FAH: variants seen among roughly 807,000 people sequenced by gnomAD.
FAH encodes the protein fumarylacetoacetate hydrolase.
FAH carries 47 observed loss-of-function variants against 55.8 expected under a neutral mutation model. That is an observed-to-expected ratio of 0.84 (90% CI 0.67 to 1.07). FAH has a LOEUF of 1.07. Among genes scored for constraint, FAH ranks in the 50% least tolerant of loss-of-function variants. The pLI is 0.00. For synonymous variants in FAH, 199 were observed against 207.7 expected (o/e 0.96, Z 0.36); for missense variants, 495 against 545.9 (o/e 0.91, Z 0.93).
At chr15:80,159,953 T>C in intron 3 of FAH, 76 bp downstream of exon 3, 4 of 1,556,922 alleles carry the variant, frequency 2.6e-6, no homozygotes, top group South Asian at 1.2e-5. Context: ...ATCAGTGCCA[T>C]TCTGAGTCAC....
At chr15:80,172,050 T>C in intron 7 of FAH, 99 bp from the exon 8 acceptor site, 1 of 873,598 alleles carries the variant, frequency 1.1e-6, no homozygotes, top group South Asian at 1.3e-5. Flanking sequence ...TCCTGGTCCA[T>C]GGCTGGAGTT....
Position 80,186,130 on chromosome 15 carries a change from GGT to G in FAH, c.1182_1183del (p.Tyr395LeufsTer44). ...TGATCCTTGTCCTCCTCTGTTCCAG[GGT>G]ACTGCCAGGGGGATGGTTACCGCAT... is the stretch of plus-strand genomic sequence containing the variant. On this transcript the variant is annotated frameshift_variant and splice_region_variant, in exon 14 of 14. Transcript: ENST00000561421. LOFTEE classifies it high-confidence loss of function. 6.2e-7 allele frequency: 1 copy of G among 1,614,038 alleles called. No individual in the cohort carries two copies. The highest frequency in any genetic ancestry group is 1.1e-5 in the South Asian group (1 of 91,090).
intron 4 of FAH, 78 bp downstream of exon 4, chr15:80,160,537 G>A (rs780178541): frequency 4.2e-6 from 6 of 1,421,046 alleles, no homozygotes; most frequent in Non-Finnish European, 6.0e-6. Flanking sequence ...CTTTGGTTCT[G>A]CATCTGTGTG....
Position 80,160,422 on chromosome 15 carries a change from C to A in FAH, c.327C>A (p.Ser109=). 1 of 1,614,214 alleles carries A rather than the reference C, an allele frequency of 6.2e-7. No individual in the cohort carries two copies. The highest frequency in any genetic ancestry group is 1.1e-5 in the South Asian group (1 of 91,084). The change falls in exon 4 of 14, where the codon TCC becomes TCA. Residue 109 remains serine, a synonymous_variant. Transcript: ENST00000561421. ...DTELRKCAFI[S]QASATMHLPA... ...TTCTGTGTTTCAGTGCATTCATCTC[C>A]CAGGCTTCTGCCACGATGCACCTTC...
At chr15:80,176,617 T>C (rs2041286311) in intron 10 of FAH, among the ~76,000 whole-genome samples, 1 of 152,214 alleles carries the variant, frequency 6.6e-6, no homozygotes, top group Non-Finnish European at 1.5e-5. Flanking sequence ...ACCTGGCTAA[T>C]GGCAGGGCTG....
intron 13 of FAH, among the ~76,000 whole-genome samples, chr15:80,181,453 C>T (rs189116032): frequency 2.3e-4 from 35 of 152,226 alleles, no homozygotes; most frequent in East Asian, 7.7e-4. Context: ...TTGCAGCAAA[C>T]GCCCTGTGCA....
intron 10 of FAH, among the ~76,000 whole-genome samples, chr15:80,175,344 C>T (rs954816056): frequency 5.9e-5 from 9 of 151,972 alleles, no homozygotes; most frequent in Admixed American, 5.2e-4. Context: ...GGATGGAGTC[C>T]GGGACTTCCA....
chr15:80,171,244 T>C (rs13329170), intron 7 of FAH, among the ~76,000 whole-genome samples: 111,656 of 151,290 alleles, frequency 0.74, 41,375 homozygotes, highest in East Asian at 0.88. Flanking sequence ...TCCCTCCCTC[T>C]TCCCCCCACC....
intron 12 of FAH, 70 bp downstream of exon 12, chr15:80,180,295 C>T: frequency 8.0e-7 from 1 of 1,257,748 alleles, no homozygotes; most frequent in South Asian, 1.2e-5. Context: ...CCCAAGGGCC[C>T]TCAGCTCAGC....
At chr15:80,175,339 G>T (rs1294189044) in intron 10 of FAH, among the ~76,000 whole-genome samples, 2 of 152,132 alleles carry the variant, frequency 1.3e-5, no homozygotes, top group African/African-American at 4.8e-5. Flanking sequence ...TGAAAGGATG[G>T]AGTCCGGGAC....
In FAH at chr15:80,172,194, A is replaced by G; in HGVS notation, c.652A>G (p.Ile218Val). Residue 218 changes from isoleucine (I) to valine (V), a missense_variant, in exon 8 of 14, where the codon ATT (isoleucine) becomes GTT (valine). Transcript: ENST00000561421. Reference protein sequence around the residue: ...PGNRLGEPIPISKAHEHIFGM... With the variant: ...PGNRLGEPIPVSKAHEHIFGM... Reference sequence around the variant, plus strand: ...AAACAGATTGGGAGAGCCGATCCCCATTTCCAAGGCCCATGAGCACATTTT... The same window carrying G: ...AAACAGATTGGGAGAGCCGATCCCCGTTTCCAAGGCCCATGAGCACATTTT... 6.2e-7 allele frequency: 1 copy of G among 1,614,096 alleles called. No individual in the cohort carries two copies. Among genetic ancestry groups the G allele is most frequent in the Non-Finnish European group, 8.5e-7 (1 of 1,180,006 alleles).
chr15:80,168,673 T>C (rs2142098463), intron 7 of FAH, among the ~76,000 whole-genome samples: 1 of 152,350 alleles, frequency 6.6e-6, no homozygotes. Context: ...TTGTCTCAGC[T>C]TATGCTGTAA....
At chr15:80,173,417 T>C (rs1234207513) in intron 9 of FAH, 5 of 545,316 alleles carry the variant, frequency 9.2e-6, no homozygotes, top group Non-Finnish European at 1.7e-5. Flanking sequence ...ACCCGGGGGA[T>C]CTGGCCAGTT....
At chr15:80,161,044 A>G (rs2041144516) in intron 4 of FAH, among the ~76,000 whole-genome samples, 1 of 152,160 alleles carries the variant, frequency 6.6e-6, no homozygotes, top group Non-Finnish European at 1.5e-5. Flanking sequence ...TCTCTGGAAC[A>G]GCTCCTGCTG....
chr15:80,155,807 G>A (rs1394501631), intron 1 of FAH: 4 of 443,768 alleles, frequency 9.0e-6, no homozygotes, highest in East Asian at 6.7e-5. Context: ...TTCCCTCTAA[G>A]GTAGCCGAAG....
At chr15:80,181,223 G>T in intron 13 of FAH, 64 bp downstream of exon 13, 1 of 1,168,876 alleles carries the variant, frequency 8.6e-7, no homozygotes, top group Non-Finnish European at 1.3e-6. Flanking sequence ...TTCTAGCTGC[G>T]GGGCGCTCCT....
At chr15:80,160,208 C>G in intron 3 of FAH, 1 of 674,180 alleles carries the variant, frequency 1.5e-6, no homozygotes, top group Non-Finnish European at 2.7e-6. Flanking sequence ...AGTCCCATTT[C>G]CTAGGGTAGA....
chr15:80,160,591 G>T (rs1288980397), intron 4 of FAH, 132 bp downstream of exon 4: 15 of 810,748 alleles, frequency 1.9e-5, no homozygotes, highest in Middle Eastern at 2.3e-4. Flanking sequence ...GGGCTCTGGG[G>T]CTGTTACCCG....
intron 1 of FAH, among the ~76,000 whole-genome samples, chr15:80,155,677 C>T (rs1445058555): frequency 2.0e-5 from 3 of 151,716 alleles, no homozygotes; most frequent in Admixed American, 1.3e-4. Context: ...GTAGTGGCCC[C>T]GAATGGCTGG....
Sources: allele counts gnomAD v4.1 joint callset (sites outside exome capture counted in the v4.1 genomes callset), GRCh38; gene constraint gnomAD v4.1.1; transcripts MANE v1.5; gene names NCBI Gene and HGNC (gene_info 2026-07-23, HGNC 2026-07-21).